MAF: variants seen among roughly 807,000 people sequenced by gnomAD.
MAF encodes transcription factor Maf.
MAF carries 10 observed loss-of-function variants against 22.0 expected under a neutral mutation model. That is an observed-to-expected ratio of 0.45 (90% CI 0.28 to 0.77). MAF has a LOEUF of 0.77. MAF is among the 30% of genes least tolerant of loss of function. The pLI is 0.12. For missense variants in MAF, 544 were observed against 548.4 expected, an observed-to-expected ratio of 0.99 and a Z score of 0.08; for synonymous variants, 337 against 255.8, an observed-to-expected ratio of 1.32 and a Z score of -3.03.
At chr16:79,378,082 G>C in the MAF span, among the ~76,000 whole-genome samples, 1 of 152,150 alleles carries the variant, frequency 6.6e-6, no homozygotes, top group Non-Finnish European at 1.5e-5. Flanking sequence ...TGGGTAGCTT[G>C]ATGGGGATGG....
chr16:79,361,006 C>G, the MAF span, among the ~76,000 whole-genome samples: 1 of 152,284 alleles, frequency 6.6e-6, no homozygotes, highest in South Asian at 2.1e-4. Context: ...GACTCCTTCA[C>G]CCCCCAGCAA....
At chr16:79,365,561 G>C in the MAF span, among the ~76,000 whole-genome samples, 22 of 141,626 alleles carry the variant, frequency 1.6e-4, no homozygotes, top group African/African-American at 4.2e-4. Flanking sequence ...AAATGCTATT[G>C]GCCTTGCAAG....
chr16:79,223,770 T>G, the MAF span, among the ~76,000 whole-genome samples: 1 of 152,042 alleles, frequency 6.6e-6, no homozygotes, highest in South Asian at 2.1e-4. Flanking sequence ...AAGAAATGGA[T>G]AAATTCCTGG....
the MAF span, among the ~76,000 whole-genome samples, chr16:79,477,314 G>A: frequency 6.6e-6 from 1 of 152,150 alleles, no homozygotes. Flanking sequence ...TTTGAGGATG[G>A]GCACAGATTT....
the MAF span, among the ~76,000 whole-genome samples, chr16:79,306,062 G>T: frequency 6.6e-6 from 1 of 152,212 alleles, no homozygotes; most frequent in South Asian, 2.1e-4. Context: ...ACCAAGTCAT[G>T]TGACCACTAG....
At chr16:79,556,452 C>T in the MAF span, among the ~76,000 whole-genome samples, 3 of 152,280 alleles carry the variant, frequency 2.0e-5, no homozygotes, top group Non-Finnish European at 2.9e-5. Context: ...TTTTCACGGT[C>T]CCTGGCCATT....
the MAF span, among the ~76,000 whole-genome samples, chr16:79,344,912 T>C: frequency 6.6e-6 from 1 of 152,338 alleles, no homozygotes; most frequent in East Asian, 1.9e-4. Flanking sequence ...AACAAATGTA[T>C]TCTATTCTTT....
At chr16:79,590,356 G>C (rs1003590973), downstream of MAF, among the ~76,000 whole-genome samples, 1 of 152,168 alleles carries the variant, frequency 6.6e-6, no homozygotes, top group Non-Finnish European at 1.5e-5. Context: ...AAAGATTCCA[G>C]CTGAGCTTCC....
At chr16:79,438,826 A>G in the MAF span, among the ~76,000 whole-genome samples, 6 of 152,080 alleles carry the variant, frequency 3.9e-5, no homozygotes, top group Non-Finnish European at 7.4e-5. Context: ...AGTAACTGGT[A>G]TTTTTCAAGC....
At chr16:79,258,260 G>C in the MAF span, among the ~76,000 whole-genome samples, 1 of 152,178 alleles carries the variant, frequency 6.6e-6, no homozygotes, top group Non-Finnish European at 1.5e-5. Flanking sequence ...CAGTCTGCTC[G>C]TAAAACATGT....
At chr16:79,333,798 A>G in the MAF span, among the ~76,000 whole-genome samples, 1 of 152,296 alleles carries the variant, frequency 6.6e-6, no homozygotes, top group Non-Finnish European at 1.5e-5. Flanking sequence ...CTGATGCTGG[A>G]TCCCAGCATC....
chr16:79,335,913 G>A, the MAF span, among the ~76,000 whole-genome samples: 1 of 152,198 alleles, frequency 6.6e-6, no homozygotes, highest in African/African-American at 2.4e-5. Flanking sequence ...AGTTTGACCA[G>A]GACTCCTGCA....
chr16:79,339,426 G>C, the MAF span, among the ~76,000 whole-genome samples: 8 of 152,288 alleles, frequency 5.3e-5, no homozygotes, highest in Non-Finnish European at 5.9e-5. Context: ...GCTGGGTGCA[G>C]ATGCCATTGA....
the MAF span, among the ~76,000 whole-genome samples, chr16:79,243,043 G>T: frequency 0.069 from 10,513 of 151,944 alleles, 548 homozygotes; most frequent in Middle Eastern, 0.14. Flanking sequence ...TGGGACACAT[G>T]TAAAGCAGTA....
the MAF span, among the ~76,000 whole-genome samples, chr16:79,250,946 T>A: frequency 6.6e-6 from 1 of 152,098 alleles, no homozygotes; most frequent in Non-Finnish European, 1.5e-5. Flanking sequence ...ATAATTCCGA[T>A]TACAAAAGCA....
the MAF span, among the ~76,000 whole-genome samples, chr16:79,346,376 T>C: frequency 6.6e-6 from 1 of 152,056 alleles, no homozygotes; most frequent in African/African-American, 2.4e-5. Context: ...TAATTCTTTC[T>C]CACCTCAATT....
chr16:79,594,888 G>A, intron 1 of MAF: 1 of 1,202,614 alleles, frequency 8.3e-7, no homozygotes, highest in Non-Finnish European at 1.0e-6. Flanking sequence ...GCCCAAACCT[G>A]CTTATTATAT....
the MAF span, among the ~76,000 whole-genome samples, chr16:79,367,183 GT>G: frequency 9.2e-5 from 14 of 152,176 alleles, no homozygotes; most frequent in Non-Finnish European, 1.8e-4. Flanking sequence ...ATTTGAGACA[GT>G]TCTCCTCTTT....
chr16:79,229,519 T>C, the MAF span: 1 of 151,996 alleles, frequency 6.6e-6, no homozygotes, highest in Admixed American at 6.6e-5. Flanking sequence ...CATAAAAGTG[T>C]CAGAACATTA....
Sources: allele counts gnomAD v4.1 joint callset (sites outside exome capture counted in the v4.1 genomes callset), GRCh38; gene constraint gnomAD v4.1.1; transcripts MANE v1.5; gene names NCBI Gene and HGNC (gene_info 2026-07-23, HGNC 2026-07-21).